Variants in ATRNL1 observed in about 807,000 individuals in gnomAD.
The protein encoded by ATRNL1 is attractin like 1, also known as attractin-like protein 1.
A neutral mutation model predicts 182.7 loss-of-function variants in ATRNL1; 95 were observed. The observed-to-expected ratio is 0.52, with a 90% CI of 0.44 to 0.62. ATRNL1 has a LOEUF of 0.62. ATRNL1 is among the 20% of genes least tolerant of loss of function. The probability of loss-of-function intolerance (pLI) is 0.00; values close to 1 mark genes in which losing one functional copy is unlikely to be tolerated. For missense variants in ATRNL1, 1,471 were observed against 1,679.5 expected (o/e 0.88, Z 2.17); for synonymous variants, 576 against 568.3 (o/e 1.01, Z -0.19).
rs550421146 is a variant in ATRNL1, at chr10:115,332,234, G to C, written c.3038-2048G>C. ...TAGTACTCTAAGGGCTTGGGGATGG[G>C]GTATTGTGGTCACAGAAAACTGATT... On this transcript the variant is annotated intron_variant, in intron 18 of 28. Coordinates refer to ENST00000355044, the MANE Select transcript of ATRNL1 (RefSeq NM_207303.4). Among the ~76,000 whole-genome samples the C allele has an allele frequency of 3.9e-4, 60 of 152,216 alleles. 1 individual carries two copies. Among genetic ancestry groups the C allele is most frequent in the African/African-American group, 1.4e-3 (58 of 41,552 alleles).
intron 24 of ATRNL1, among the ~76,000 whole-genome samples, chr10:115,493,052 G>A (rs1849383861): frequency 6.6e-6 from 1 of 151,890 alleles, no homozygotes; most frequent in African/African-American, 2.4e-5. Flanking sequence ...ATTATAACTT[G>A]ACAATTTACA....
intron 19 of ATRNL1, among the ~76,000 whole-genome samples, chr10:115,353,889 C>G (rs909134247): frequency 6.6e-6 from 1 of 152,150 alleles, no homozygotes; most frequent in African/African-American, 2.4e-5. Flanking sequence ...CTCTAACTCC[C>G]TCCTACTTTT....
At chr10:115,152,182 G>A (rs1354518561) in intron 5 of ATRNL1, among the ~76,000 whole-genome samples, 1 of 152,166 alleles carries the variant, frequency 6.6e-6, no homozygotes, top group Non-Finnish European at 1.5e-5. Flanking sequence ...GCTTAGGATT[G>A]TCTTGGCAAT....
intron 28 of ATRNL1, among the ~76,000 whole-genome samples, chr10:115,926,252 T>A (rs782043297): frequency 2.6e-5 from 4 of 152,084 alleles, no homozygotes; most frequent in Admixed American, 6.6e-5. Context: ...GAGACACAGC[T>A]AAAGTGGTGT....
At position 115,696,565 on chromosome 10, in the gene ATRNL1, TGG is replaced by T. The variant is rs1946566021; in HGVS notation, c.3796-30681_3796-30680del. Reference sequence around the variant, plus strand: ...CTAGATCAAATTATATTTTTGCTTTTGGGTCTTTGAGGAATCTCCATACTGTC... The same window carrying T: ...CTAGATCAAATTATATTTTTGCTTTTGTCTTTGAGGAATCTCCATACTGTC... On this transcript the variant is annotated intron_variant, in intron 26 of 28. Coordinates refer to ENST00000355044, the MANE Select transcript of ATRNL1 (RefSeq NM_207303.4). 1.1e-4 allele frequency among the ~76,000 whole-genome samples: 16 copies of T among 152,344 alleles called. No individual in the cohort carries two copies. The South Asian group carries it at 3.3e-3, about 32-fold the overall frequency.
chr10:115,293,093 T>G (rs1440850385), intron 15 of ATRNL1, among the ~76,000 whole-genome samples: 1 of 152,062 alleles, frequency 6.6e-6, no homozygotes, highest in African/African-American at 2.4e-5. Flanking sequence ...AATCCCTTTC[T>G]TATTGTATAA....
chr10:115,202,870 T>A (rs1261538774), intron 8 of ATRNL1, among the ~76,000 whole-genome samples: 1 of 147,318 alleles, frequency 6.8e-6, no homozygotes, highest in Non-Finnish European at 1.5e-5. Context: ...CCTGGACTCT[T>A]TTTGGTTGGT....
At chr10:115,200,938 T>G (rs1554892206) in intron 8 of ATRNL1, among the ~76,000 whole-genome samples, 7 of 150,340 alleles carry the variant, frequency 4.7e-5, no homozygotes, top group Admixed American at 1.3e-4. Flanking sequence ...TGTGAGATGG[T>G]ATCTCATTGT....
intron 26 of ATRNL1, among the ~76,000 whole-genome samples, chr10:115,721,920 C>G (rs1947438916): frequency 6.6e-6 from 1 of 152,084 alleles, no homozygotes; most frequent in Non-Finnish European, 1.5e-5. Flanking sequence ...ATAGCAACCC[C>G]AAATAACTGA....
intron 24 of ATRNL1, among the ~76,000 whole-genome samples, chr10:115,487,950 G>T (rs1292134778): frequency 6.6e-6 from 1 of 152,134 alleles, no homozygotes; most frequent in Non-Finnish European, 1.5e-5. Context: ...GTTGAATTTT[G>T]TTGAAGGCCT....
intron 20 of ATRNL1, among the ~76,000 whole-genome samples, chr10:115,424,552 A>G (rs1349283668): frequency 2.0e-5 from 3 of 152,192 alleles, no homozygotes; most frequent in African/African-American, 7.2e-5. Flanking sequence ...CAAGAGATGA[A>G]TGGATAAAAA....
chr10:115,223,199 T>G (rs973919124), intron 9 of ATRNL1, among the ~76,000 whole-genome samples: 8 of 152,158 alleles, frequency 5.3e-5, no homozygotes, highest in African/African-American at 1.9e-4. Flanking sequence ...GAGAATCACT[T>G]GTACCCGGGA....
chr10:115,676,721 G>A (rs981356965), intron 26 of ATRNL1, among the ~76,000 whole-genome samples: 1 of 151,790 alleles, frequency 6.6e-6, no homozygotes, highest in Non-Finnish European at 1.5e-5. Flanking sequence ...ATAAGTCAGG[G>A]GAAAGGAGCA....
chr10:115,337,391 C>T (rs1426362021), intron 19 of ATRNL1, among the ~76,000 whole-genome samples: 3 of 152,188 alleles, frequency 2.0e-5, no homozygotes, highest in South Asian at 2.1e-4. Flanking sequence ...AATTAAGTTG[C>T]TACTGACTAT....
chr10:115,480,556 A>T (rs1848719932), intron 24 of ATRNL1, among the ~76,000 whole-genome samples: 1 of 150,858 alleles, frequency 6.6e-6, no homozygotes, highest in Non-Finnish European at 1.5e-5. Context: ...TCAGTTAAAG[A>T]TGTATTAACT....
At chr10:115,178,655 A>G (rs1847628719) in intron 8 of ATRNL1, among the ~76,000 whole-genome samples, 2 of 152,228 alleles carry the variant, frequency 1.3e-5, no homozygotes, top group South Asian at 2.1e-4. Context: ...CTCTGCTGTC[A>G]TGAGTGGATT....
intron 27 of ATRNL1, among the ~76,000 whole-genome samples, chr10:115,804,850 T>C (rs901532403): frequency 3.9e-5 from 6 of 152,240 alleles, no homozygotes; most frequent in Non-Finnish European, 8.8e-5. Context: ...GAATGTATTC[T>C]TTATAACTTC....
intron 26 of ATRNL1, among the ~76,000 whole-genome samples, chr10:115,559,628 A>G (rs1853570681): frequency 6.6e-6 from 1 of 152,204 alleles, no homozygotes; most frequent in Non-Finnish European, 1.5e-5. Flanking sequence ...ATTCACCAAT[A>G]AAAGGAGCTT....
chr10:115,700,637 T>C lies in ATRNL1; in HGVS notation c.3796-26611T>C, dbSNP rs375137813. Among the ~76,000 whole-genome samples, 9 of 152,250 alleles carry C rather than the reference T, an allele frequency of 5.9e-5. 1 individual carries two copies. Among genetic ancestry groups the C allele is most frequent in the African/African-American group, 1.9e-4 (8 of 41,566 alleles). ...CATAGCTTGTGAATATTTTCTCCCA[T>C]GCTGTATGTTGTCTGTTATACTTTG... On this transcript the variant is annotated intron_variant, in intron 26 of 28. Coordinates refer to ENST00000355044, the MANE Select transcript of ATRNL1 (RefSeq NM_207303.4).
Sources: allele counts gnomAD v4.1 joint callset (sites outside exome capture counted in the v4.1 genomes callset), GRCh38; gene constraint gnomAD v4.1.1; transcripts MANE v1.5; gene names NCBI Gene and HGNC (gene_info 2026-07-23, HGNC 2026-07-21).